The following SERINC5 variants were observed in gnomAD, a reference collection of about 807,000 sequenced individuals.
SERINC5 encodes the protein serine incorporator 5, also known as chromosome 5 open reading frame 12.
Under a neutral mutation model 63.1 loss-of-function variants are expected in SERINC5, and 41 were observed. The ratio of observed to expected loss-of-function variants is 0.65; its 90% confidence interval spans 0.51 to 0.84. The LOEUF is 0.84. Ranked by LOEUF, SERINC5 falls within the 40% of genes least tolerant of loss-of-function variation. The pLI, the probability that SERINC5 is intolerant of heterozygous loss-of-function variation, is 0.00. For missense variants in SERINC5, 523 were observed against 573.0 expected (o/e 0.91, Z 0.89); for synonymous variants, 222 against 215.2 (o/e 1.03, Z -0.28).
intron 2 of SERINC5, among the ~76,000 whole-genome samples, chr5:80,180,722 A>G (rs554456169): frequency 6.6e-6 from 1 of 152,332 alleles, no homozygotes; most frequent in East Asian, 1.9e-4. Flanking sequence ...CTCCGCTATA[A>G]AAGAGATATG....
chr5:80,181,068 C>CG (rs1748384799), intron 2 of SERINC5, among the ~76,000 whole-genome samples: 1 of 152,126 alleles, frequency 6.6e-6, no homozygotes, highest in Non-Finnish European at 1.5e-5. Context: ...TAATGCATAG[C>CG]GCTTTGACAC....
intron 1 of SERINC5, among the ~76,000 whole-genome samples, chr5:80,207,532 T>A (rs4703805): frequency 0.32 from 48,914 of 152,030 alleles, 8,460 homozygotes; most frequent in East Asian, 0.54. Context: ...AGAAGGGACA[T>A]GATTGTGGAA....
intron 8 of SERINC5, chr5:80,156,993 CTTTTTTTT>C (rs376131718): frequency 7.5e-4 from 93 of 124,682 alleles, no homozygotes; most frequent in African/African-American, 2.6e-3. Context: ...TTTTTTTTTT[CTTTTTTTT>C]TTTTTTTTTT....
At chr5:80,229,054 G>GGGGGGGGGA (rs2112559369) in intron 1 of SERINC5, among the ~76,000 whole-genome samples, 1 of 51,262 alleles carries the variant, frequency 2.0e-5, no homozygotes, top group Admixed American at 2.7e-4. Flanking sequence ...TTTTTTTGGG[G>GGGGGGGGGA]ATGGAGTTGC....
chr5:80,178,858 T>C (rs144193442), intron 2 of SERINC5, among the ~76,000 whole-genome samples: 316 of 152,166 alleles, frequency 2.1e-3, no homozygotes, highest in Middle Eastern at 3.4e-3. Flanking sequence ...TGTGTGTGTA[T>C]ACATATATAC....
intron 7 of SERINC5, among the ~76,000 whole-genome samples, chr5:80,161,442 T>C (rs1746914990): frequency 6.6e-6 from 1 of 152,234 alleles, no homozygotes; most frequent in Non-Finnish European, 1.5e-5. Flanking sequence ...ATTTCTCTGA[T>C]GATTAGCAAT....
chr5:80,239,993 C>G (rs140065513), intron 1 of SERINC5, among the ~76,000 whole-genome samples: 1 of 152,306 alleles, frequency 6.6e-6, no homozygotes, highest in Non-Finnish European at 1.5e-5. Context: ...CTTGGTCAGC[C>G]TTCCTGAAGC....
intron 1 of SERINC5, among the ~76,000 whole-genome samples, chr5:80,208,770 G>GAGGCTGTTCATAACAAACACTAGAAAC (rs1750296344): frequency 6.6e-6 from 1 of 152,188 alleles, no homozygotes; most frequent in Non-Finnish European, 1.5e-5. Context: ...ATTTAGGTAT[G>GAGGCTGTTCATAACAAACACTAGAAAC]AGGCTGTTCA....
At chr5:80,137,161 A>C (rs1408899535), downstream of SERINC5, among the ~76,000 whole-genome samples, 7 of 62,562 alleles carry the variant, frequency 1.1e-4, no homozygotes, top group East Asian at 2.8e-4. Flanking sequence ...AAAAAAAAAA[A>C]AACAAAAAAA....
At chr5:80,232,313 A>G (rs1273945154) in intron 1 of SERINC5, among the ~76,000 whole-genome samples, 1 of 151,720 alleles carries the variant, frequency 6.6e-6, no homozygotes, top group Non-Finnish European at 1.5e-5. Context: ...CTGAGGCAGG[A>G]GAATGGCAAG....
chr5:80,202,907 C>T lies in SERINC5; in HGVS notation c.174G>A (p.Val58=), dbSNP rs1749932959. 2 of 1,610,586 alleles carry T rather than the reference C, an allele frequency of 1.2e-6. No homozygotes were observed. The highest frequency in any genetic ancestry group is 1.3e-5 in the African/African-American group (1 of 74,830). The part of the protein sequence containing the change: ...VLCCIMMSTT[V]AHKMKEHIPF... ...TTACGTGCTCTTTCATCTTGTGAGC[C>T]ACGGTTGTTGACATCATGATGCAGC... The change falls in exon 2 of 12, where the codon GTG becomes GTA. Residue 58 remains valine (V), a synonymous_variant. Coordinates refer to ENST00000507668, the MANE Select transcript of SERINC5 (RefSeq NM_001174072.3).
chr5:80,250,019 A>T (rs945368720), intron 1 of SERINC5, among the ~76,000 whole-genome samples: 1 of 152,180 alleles, frequency 6.6e-6, no homozygotes, highest in Non-Finnish European at 1.5e-5. Flanking sequence ...AGGACCTAAC[A>T]TTTCCAATCA....
chr5:80,224,250 C>G (rs796428777), intron 1 of SERINC5, among the ~76,000 whole-genome samples: 4 of 152,090 alleles, frequency 2.6e-5, no homozygotes, highest in African/African-American at 9.6e-5. Context: ...GGCTTGAGTC[C>G]AGGAGTTTGA....
At chr5:80,156,858 T>G (rs1056239869) in intron 8 of SERINC5, 2 of 152,152 alleles carry the variant, frequency 1.3e-5, no homozygotes, top group Admixed American at 6.5e-5. Flanking sequence ...TATGATAGGG[T>G]GAAAATTCCA....
At chr5:80,147,981 G>A (rs1023451949) in intron 9 of SERINC5, among the ~76,000 whole-genome samples, 3 of 152,048 alleles carry the variant, frequency 2.0e-5, no homozygotes, top group African/African-American at 7.2e-5. Flanking sequence ...TGCAGGATGG[G>A]GACACCAAGA....
At chr5:80,207,249 G>A (rs970642230) in intron 1 of SERINC5, among the ~76,000 whole-genome samples, 3 of 152,064 alleles carry the variant, frequency 2.0e-5, no homozygotes, top group African/African-American at 4.8e-5. Flanking sequence ...CCGCCGTCTC[G>A]GCCTCCCATA....
At chr5:80,244,836 A>G (rs761669158) in intron 1 of SERINC5, among the ~76,000 whole-genome samples, 2 of 151,992 alleles carry the variant, frequency 1.3e-5, no homozygotes, top group Non-Finnish European at 2.9e-5. Flanking sequence ...AAACAAAAAC[A>G]AACAAAAAAA....
intron 1 of SERINC5, among the ~76,000 whole-genome samples, chr5:80,221,122 T>TG (rs1281285544): frequency 1.3e-5 from 2 of 152,146 alleles, no homozygotes; most frequent in East Asian, 3.9e-4. Flanking sequence ...CATGAACAGC[T>TG]GCCTGGGCAT....
intron 5 of SERINC5, among the ~76,000 whole-genome samples, chr5:80,173,446 A>G (rs1242179665): frequency 6.6e-6 from 1 of 152,044 alleles, no homozygotes; most frequent in East Asian, 1.9e-4. Flanking sequence ...AATACAAAAA[A>G]TTAGCCGGGC....
Sources: gnomAD v4.1 joint callset for allele counts (sites outside exome capture counted in the v4.1 genomes callset) on GRCh38, gnomAD v4.1.1 for gene constraint, MANE v1.5 for transcripts, NCBI Gene and HGNC (gene_info 2026-07-23, HGNC 2026-07-21) for gene names.